RPGRIP1: variants seen among roughly 807,000 people sequenced by gnomAD.
RPGRIP1 encodes the protein X-linked retinitis pigmentosa GTPase regulator-interacting protein 1.
A neutral mutation model predicts 157.9 loss-of-function variants in RPGRIP1; 128 were observed. The observed-to-expected ratio is 0.81, with a 90% CI of 0.70 to 0.94. The LOEUF (loss-of-function observed/expected upper bound fraction) is 0.94, where lower values mean the gene tolerates loss of function less well. Ranked by LOEUF, RPGRIP1 falls within the 40% of genes least tolerant of loss-of-function variation. The probability of loss-of-function intolerance (pLI) is 0.00; values close to 1 mark genes in which losing one functional copy is unlikely to be tolerated. For missense variants in RPGRIP1, 1,486 were observed against 1,545.8 expected (o/e 0.96, Z 0.65); for synonymous variants, 554 against 571.6 (o/e 0.97, Z 0.44).
At chr14:21,297,877 CTTTT>C (rs908990082) in intron 3 of RPGRIP1, among the ~76,000 whole-genome samples, 11 of 150,170 alleles carry the variant, frequency 7.3e-5, no homozygotes, top group African/African-American at 2.5e-4. Context: ...TTCTTTCTTT[CTTTT>C]TTTTGAGATA....
At chr14:21,343,321 C>T in intron 22 of RPGRIP1, 93 bp downstream of exon 22, 1 of 933,424 alleles carries the variant, frequency 1.1e-6, no homozygotes, top group Non-Finnish European at 1.6e-6. Context: ...GGGGTGAATC[C>T]AGCCATTTCA....
intron 3 of RPGRIP1, among the ~76,000 whole-genome samples, chr14:21,295,871 A>G (rs1378372920): frequency 6.6e-6 from 1 of 151,720 alleles, no homozygotes; most frequent in African/African-American, 2.4e-5. Flanking sequence ...ACTGGGTTCA[A>G]GCGATTCCCC....
intron 5 of RPGRIP1, 66 bp from the exon 6 acceptor site, chr14:21,303,265 A>G: frequency 1.8e-6 from 2 of 1,105,110 alleles, no homozygotes; most frequent in Non-Finnish European, 2.6e-6. Flanking sequence ...ATTTCTTTTT[A>G]TATGTGTAAG....
rs368192802 is a variant in RPGRIP1, at chr14:21,324,651, C to T, written c.1796C>T (p.Pro599Leu). ...AAAGATGTTGCTTATGGCACCCGAC[C>T]GTTGTCGTTATGTTTGGAAACACTG... Reference protein sequence around the residue: ...QLKDVAYGTRPLSLCLETLPA... With the variant: ...QLKDVAYGTRLLSLCLETLPA... The change falls in exon 15 of 25, where the codon CCG (proline) becomes CTG (leucine). Residue 599 changes from proline (P) to leucine (L), a missense_variant. Coordinates refer to ENST00000400017, the MANE Select transcript of RPGRIP1 (RefSeq NM_020366.4). 151 of 1,613,926 alleles carry T rather than the reference C, an allele frequency of 9.4e-5. No homozygotes were observed. In the African/African-American group the frequency reaches 1.7e-3, roughly 18 times the overall value.
chr14:21,333,600 A>G (rs978182815), intron 20 of RPGRIP1, among the ~76,000 whole-genome samples: 5 of 152,172 alleles, frequency 3.3e-5, no homozygotes, highest in African/African-American at 2.4e-5. Flanking sequence ...TAGCTCAGCT[A>G]GGGGGCTGAT....
At chr14:21,282,768 C>G (rs981767955) in intron 1 of RPGRIP1, among the ~76,000 whole-genome samples, 3 of 152,004 alleles carry the variant, frequency 2.0e-5, no homozygotes, top group Admixed American at 6.6e-5. Flanking sequence ...TGCCACCACA[C>G]CCGGCTAATT....
chr14:21,349,127 G>T (rs1254974305), intron 24 of RPGRIP1, among the ~76,000 whole-genome samples: 1 of 133,424 alleles, frequency 7.5e-6, no homozygotes, highest in Non-Finnish European at 1.5e-5. Context: ...CTGGAGTGCA[G>T]TGGTGTGATC....
In RPGRIP1 at chr14:21,311,883, G is replaced by C. The variant is rs1418463154; in HGVS notation, c.990G>C (p.Arg330Ser). ...TCCTCAAGCAAGTGAATGAGCTCAG[G>C]GCAGAGCTGAAGGAAGAAAGCAAGA... Reference protein sequence around the residue: ...EALLKQVNELRAELKEESKKA... With the variant: ...EALLKQVNELSAELKEESKKA... The change falls in exon 9 of 25, where the codon AGG (arginine) becomes AGC (serine). Residue 330 changes from arginine (R) to serine (S), a missense_variant. By Grantham distance (110) the Arg-to-Ser change is moderately radical (BLOSUM62 -1). Coordinates refer to ENST00000400017, the MANE Select transcript of RPGRIP1 (RefSeq NM_020366.4). 6.2e-7 allele frequency: 1 copy of C among 1,612,258 alleles called. No individual in the cohort carries two copies. Among genetic ancestry groups the C allele is most frequent in the Non-Finnish European group, 8.5e-7 (1 of 1,179,180 alleles).
intron 21 of RPGRIP1, among the ~76,000 whole-genome samples, chr14:21,337,095 G>A (rs926948699): frequency 1.3e-5 from 2 of 152,174 alleles, no homozygotes; most frequent in Non-Finnish European, 2.9e-5. Flanking sequence ...CAAAACTTGA[G>A]TTCTGTCACT....
intron 23 of RPGRIP1, among the ~76,000 whole-genome samples, chr14:21,346,790 C>A (rs1005992922): frequency 2.0e-5 from 3 of 152,198 alleles, no homozygotes; most frequent in African/African-American, 7.2e-5. Flanking sequence ...TCCTGCCCTG[C>A]CTCCCAAAGT....
intron 2 of RPGRIP1, among the ~76,000 whole-genome samples, chr14:21,290,333 T>C (rs976394736): frequency 6.6e-6 from 1 of 152,208 alleles, no homozygotes; most frequent in Non-Finnish European, 1.5e-5. Context: ...GCAACACTTG[T>C]TATTGTTTGT....
intron 3 of RPGRIP1, among the ~76,000 whole-genome samples, chr14:21,297,818 G>T (rs916112848): frequency 4.4e-5 from 4 of 89,916 alleles, no homozygotes; most frequent in African/African-American, 1.2e-4. Context: ...TCTATGTTTC[G>T]GTATCTCAAT....
At chr14:21,289,026 A>G (rs1880412545) in intron 2 of RPGRIP1, among the ~76,000 whole-genome samples, 1 of 152,060 alleles carries the variant, frequency 6.6e-6, no homozygotes, top group Non-Finnish European at 1.5e-5. Context: ...TCTTCCACAC[A>G]TTATTTAAGA....
intron 3 of RPGRIP1, among the ~76,000 whole-genome samples, chr14:21,296,176 A>C (rs1371668277): frequency 6.7e-6 from 1 of 148,904 alleles, no homozygotes; most frequent in Non-Finnish European, 1.5e-5. Context: ...ATCTCGGCTC[A>C]CTGCAACTTC....
chr14:21,321,834 C>T lies in RPGRIP1; in HGVS notation c.1612-20C>T. On this transcript the variant is annotated intron_variant, in intron 13 of 24. Coordinates refer to ENST00000400017, the MANE Select transcript of RPGRIP1 (RefSeq NM_020366.4). ...TTTAGGCCACTGAGATAGAAAAGTTCAGACATTATTTTGTTTCAGGAGGAA... is the reference window on the plus strand; with the variant it reads ...TTTAGGCCACTGAGATAGAAAAGTTTAGACATTATTTTGTTTCAGGAGGAA... The T allele has an allele frequency of 6.2e-7, 1 of 1,607,040 alleles. No individual in the cohort carries two copies. The highest frequency in any genetic ancestry group is 1.3e-5 in the African/African-American group (1 of 74,580).
intron 2 of RPGRIP1, among the ~76,000 whole-genome samples, chr14:21,291,206 T>A (rs78703969): frequency 0.011 from 1,726 of 152,296 alleles, 44 homozygotes; most frequent in African/African-American, 0.039. Flanking sequence ...GTCTTTATAT[T>A]GTTGGTTTTA....
chr14:21,348,073 G>T, intron 23 of RPGRIP1, 99 bp from the exon 24 acceptor site: 1 of 1,014,796 alleles, frequency 9.9e-7, no homozygotes, highest in Non-Finnish European at 1.4e-6. Context: ...AAGTGATTCA[G>T]AGAAGACGTT....
At chr14:21,320,676 TAC>T (rs1271813688) in intron 12 of RPGRIP1, among the ~76,000 whole-genome samples, 1 of 144,898 alleles carries the variant, frequency 6.9e-6, no homozygotes, top group Non-Finnish European at 1.5e-5. Flanking sequence ...CTCGGCTCAC[TAC>T]AGTCTTTGCC....
intron 4 of RPGRIP1, among the ~76,000 whole-genome samples, chr14:21,301,724 A>ATAATAAT (rs57151096): frequency 3.6e-5 from 2 of 55,034 alleles, no homozygotes; most frequent in African/African-American, 1.8e-4. Context: ...AATAATAATA[A>ATAATAAT]AAAATTAGCC....
Sources: gnomAD v4.1 joint callset for allele counts (sites outside exome capture counted in the v4.1 genomes callset) on GRCh38, gnomAD v4.1.1 for gene constraint, MANE v1.5 for transcripts, NCBI Gene and HGNC (gene_info 2026-07-23, HGNC 2026-07-21) for gene names.